The following DPP9 variants were observed in gnomAD, a reference collection of about 807,000 sequenced individuals.
DPP9 encodes the protein dipeptidyl peptidase IV-related protein-2.
In DPP9, 50 loss-of-function variants were observed where a neutral mutation model predicts 110.7. That is an observed-to-expected ratio of 0.45 (90% CI 0.36 to 0.57). DPP9 has a LOEUF of 0.57. Ranked by LOEUF, DPP9 falls within the 20% of genes least tolerant of loss-of-function variation. The pLI is 0.00. For missense variants in DPP9, 1,022 were observed against 1,217.9 expected, an observed-to-expected ratio of 0.84 and a Z score of 2.39; for synonymous variants, 561 against 514.4, an observed-to-expected ratio of 1.09 and a Z score of -1.23.
Position 4,682,649 on chromosome 19 carries a change from G to A in DPP9, c.2474+47C>T, listed in dbSNP as rs779931847. 14 of 1,594,794 alleles carry A rather than the reference G, an allele frequency of 8.8e-6. No homozygotes were observed. The African/African-American group carries it at 1.6e-4, about 18-fold the overall frequency. ...TCATAGAGACAGCTGGTGCCGGGGT[G>A]CAGGAGAAGCCCCGGGGAGGAGCGC... On this transcript the variant is annotated intron_variant, in intron 20 of 21. Transcript: ENST00000262960. The surrounding 1 kb of genome is among the most constrained non-coding windows in gnomAD (Gnocchi z 7.1).
chr19:4,701,469 AAAACAAAC>A (rs549165034), intron 9 of DPP9, among the ~76,000 whole-genome samples: 4 of 152,110 alleles, frequency 2.6e-5, no homozygotes, highest in South Asian at 2.1e-4. Context: ...CCTTGTCTCA[AAAACAAAC>A]AAACAAACAA....
At chr19:4,690,109 G>A (rs996642582) in intron 14 of DPP9, among the ~76,000 whole-genome samples, 4 of 152,214 alleles carry the variant, frequency 2.6e-5, no homozygotes, top group African/African-American at 9.6e-5. Flanking sequence ...CCGTTCCTCC[G>A]ACCCAGGTGC....
intron 4 of DPP9, among the ~76,000 whole-genome samples, chr19:4,712,667 G>GCT (rs1217168217): frequency 6.6e-6 from 1 of 152,212 alleles, no homozygotes; most frequent in Non-Finnish European, 1.5e-5. Flanking sequence ...AAGATGTCAG[G>GCT]AAAGTAACAG....
rs2145858815 is a variant in DPP9 at position 4,710,900 on chromosome 19, G to A, written c.313+3181C>T. ...TGCCAAGTTCATGCCCACTGGGGTG[G>A]GCCCTCAGCACCTCCTGTGTACTGT... On this transcript the variant is annotated intron_variant, in intron 4 of 21. Coordinates refer to ENST00000262960, the MANE Select transcript of DPP9 (RefSeq NM_139159.5). The surrounding 1 kb of genome is among the most constrained non-coding windows in gnomAD (Gnocchi z 5.6). Among the ~76,000 whole-genome samples, 1 of 152,230 alleles carries A rather than the reference G, an allele frequency of 6.6e-6. No individual in the cohort carries two copies. The highest frequency in any genetic ancestry group is 1.9e-4 in the East Asian group (1 of 5,172).
rs779839248 is a variant in DPP9 at position 4,714,243 on chromosome 19, C to T, written c.151G>A (p.Ala51Thr). 5.0e-6 allele frequency: 8 copies of T among 1,590,542 alleles called. No individual in the cohort carries two copies. In the Admixed American group the frequency reaches 7.0e-5, roughly 14 times the overall value. Residue 51 changes from alanine to threonine, a missense_variant, in exon 4 of 22, where the codon GCC becomes ACC. Physicochemically the swap from Ala to Thr is moderately conservative, Grantham distance 58 (BLOSUM62 0). This residue lies in a region of DPP9 where 810 missense variants were observed against 920.6 expected (regional missense o/e 0.88). Transcript: ENST00000262960. ...GAGTGCTTCTGCACCTGGAAGCGGGCGGCCGGGTCATCTGTGGCGGCTGCG... is the reference window on the plus strand; with the variant it reads ...GAGTGCTTCTGCACCTGGAAGCGGGTGGCCGGGTCATCTGTGGCGGCTGCG... ...GDAAATDDPA[A>T]RFQVQKHSWD...
At position 4,675,483 on chromosome 19, in the gene DPP9, G is replaced by A. The variant is rs1223318563; in HGVS notation, c.*1081C>T. 4.6e-5 allele frequency: 7 copies of A among 152,118 alleles called. No individual in the cohort carries two copies. Among genetic ancestry groups the A allele is most frequent in the Admixed American group, 2.6e-4 (4 of 15,272 alleles). 9.4% of individuals were successfully genotyped at this position (152,118 alleles called of 1,614,324 possible). On this transcript the variant is annotated 3_prime_UTR_variant, in exon 22 of 22. Transcript: ENST00000262960. ...ACCCCGGAACCCCTGGTGTGTACGGGTCAGGCAGACACATGTGGCTGGGCG... is the reference window on the plus strand; with the variant it reads ...ACCCCGGAACCCCTGGTGTGTACGGATCAGGCAGACACATGTGGCTGGGCG...
chr19:4,684,502 T>C lies in DPP9; in HGVS notation c.2178+161A>G. 1 of 764,372 alleles carries C rather than the reference T, an allele frequency of 1.3e-6. No individual in the cohort carries two copies. The highest frequency in any genetic ancestry group is 2.1e-6 in the Non-Finnish European group (1 of 482,660). 47.3% of individuals were successfully genotyped at this position (764,372 alleles called of 1,614,324 possible). A position where few individuals can be genotyped will look rare whatever the true frequency, so the allele number is the denominator to read the frequency against. ...GCTGAGCAGCAAAGCATACATCCCCTTTTGTTCTAAAAGGGCGCCTCATTG... is the reference window on the plus strand; with the variant it reads ...GCTGAGCAGCAAAGCATACATCCCCCTTTGTTCTAAAAGGGCGCCTCATTG... On this transcript the variant is annotated intron_variant, in intron 18 of 21. Transcript: ENST00000262960. The surrounding 1 kb of genome is among the most constrained non-coding windows in gnomAD (Gnocchi z 4.8).
intron 21 of DPP9, chr19:4,679,526 G>A (rs963760531): frequency 3.8e-5 from 15 of 391,948 alleles, no homozygotes; most frequent in South Asian, 2.8e-4. Context: ...AAGCCCGTCT[G>A]CGGGGCAATT....
At chr19:4,713,481 C>G (rs1299950822) in intron 4 of DPP9, among the ~76,000 whole-genome samples, 2 of 152,262 alleles carry the variant, frequency 1.3e-5, no homozygotes, top group Admixed American at 6.5e-5. Flanking sequence ...TGCGTGCAGG[C>G]ACACGCCCAG....
chr19:4,692,928 C>T (rs958073491), intron 13 of DPP9, among the ~76,000 whole-genome samples: 13 of 152,152 alleles, frequency 8.5e-5, no homozygotes, highest in Admixed American at 2.0e-4. Flanking sequence ...GTCACCCCGC[C>T]GGTCCGCATC....
At position 4,697,664 on chromosome 19, in the gene DPP9, A is replaced by C. The variant is rs2091914523; in HGVS notation, c.1075-13T>G. On this transcript the variant is annotated splice_polypyrimidine_tract_variant and intron_variant, in intron 10 of 21. Transcript: ENST00000262960. The stretch of plus-strand genomic sequence containing the variant: ...GGGTCGAGACGATCTGAAGGGAAAC[A>C]AACAGGTGTGGGTCATGCCCTGGCC... 1.2e-6 allele frequency: 2 copies of C among 1,612,568 alleles called. No homozygotes were observed. The highest frequency in any genetic ancestry group is 1.7e-5 in the Admixed American group (1 of 59,970).
At chr19:4,677,789 C>G (rs2145238294) in intron 21 of DPP9, among the ~76,000 whole-genome samples, 1 of 152,334 alleles carries the variant, frequency 6.6e-6, no homozygotes, top group East Asian at 1.9e-4. Context: ...TGGGTCCCAG[C>G]TGCCTGGTTA....
At chr19:4,679,613 C>G (rs2089505294) in intron 21 of DPP9, 1 of 554,386 alleles carries the variant, frequency 1.8e-6, no homozygotes, top group Non-Finnish European at 3.2e-6. Context: ...CTTCCAGCAC[C>G]GAAGGCAGGC....
In DPP9 at chr19:4,685,739, A is replaced by G; in HGVS notation, c.1918T>C (p.Phe640Leu). The G allele has an allele frequency of 1.2e-6, 2 of 1,613,422 alleles. No homozygotes were observed. Among genetic ancestry groups the G allele is most frequent in the Non-Finnish European group, 8.5e-7 (1 of 1,179,822 alleles). The change falls in exon 17 of 22, where the codon TTC becomes CTC. Residue 640 changes from phenylalanine to leucine, a missense_variant. Physicochemically the swap from Phe to Leu is conservative, Grantham distance 22. Around this residue, in one of 3 missense-constraint regions of DPP9, gnomAD observed 810 missense variants for 920.6 expected, o/e 0.88. Transcript: ENST00000262960. This position sits in a 1 kb window ranked among gnomAD's most constrained non-coding sequence, Gnocchi z 5.8. ...CPPDYVPPEIFHFHTRSDVRL... is the reference protein window; with the variant it reads ...CPPDYVPPEILHFHTRSDVRL... The stretch of plus-strand genomic sequence containing the variant: ...ACATCCGAGCGCGTGTGGAAATGGA[A>G]GATCTCTGGAGGAACATAATCCGGG...
chr19:4,683,228 CCA>C (rs1485021723), intron 19 of DPP9: 1 of 1,430,514 alleles, frequency 7.0e-7, no homozygotes, highest in Non-Finnish European at 9.1e-7. Flanking sequence ...GCTCAGCCTC[CCA>C]CAGAGAGCTG....
At position 4,713,521 on chromosome 19, in the gene DPP9, C is replaced by A. The variant is rs75592632; in HGVS notation, c.313+560G>T. 5.1e-4 allele frequency among the ~76,000 whole-genome samples: 78 copies of A among 152,334 alleles called. 1 individual carries two copies. The highest frequency in any genetic ancestry group is 9.1e-4 in the Non-Finnish European group (62 of 68,032). On this transcript the variant is annotated intron_variant, in intron 4 of 21. Coordinates refer to ENST00000262960, the MANE Select transcript of DPP9 (RefSeq NM_139159.5). ...GGAAGTGTGGATCCAGAGCCTGCAG[C>A]AGGGGCTGCAAGCGCGTGGCAAGCC...
At chr19:4,703,509 AC>A (rs2092414027) in intron 7 of DPP9, among the ~76,000 whole-genome samples, 2 of 150,502 alleles carry the variant, frequency 1.3e-5, no homozygotes, top group South Asian at 4.2e-4. Flanking sequence ...GGTGGCGGGC[AC>A]CTGTAATCCC....
At position 4,685,206 on chromosome 19, in the gene DPP9, C is replaced by A; in HGVS notation, c.2032-397G>T. The A allele has an allele frequency of 1.9e-6, 1 of 521,518 alleles. No homozygotes were observed. Among genetic ancestry groups the A allele is most frequent in the Non-Finnish European group, 3.7e-6 (1 of 269,798 alleles). 32.3% of individuals were successfully genotyped at this position (521,518 alleles called of 1,614,324 possible). A position where few individuals can be genotyped will look rare whatever the true frequency, so the allele number is the denominator to read the frequency against. ...AACCACAAAGTACCCAGACATCGCC[C>A]CGTATCCTCTGTGGGGACAGAGCTG... is the stretch of plus-strand genomic sequence containing the variant. On this transcript the variant is annotated intron_variant, in intron 17 of 21. Transcript: ENST00000262960. The surrounding 1 kb of genome is among the most constrained non-coding windows in gnomAD (Gnocchi z 5.8).
At chr19:4,677,724 G>A (rs1326802964) in intron 21 of DPP9, among the ~76,000 whole-genome samples, 1 of 152,196 alleles carries the variant, frequency 6.6e-6, no homozygotes, top group Non-Finnish European at 1.5e-5. Context: ...GGCAGACTCT[G>A]CTGCCCTTGA....
Sources: allele counts gnomAD v4.1 joint callset (sites outside exome capture counted in the v4.1 genomes callset), GRCh38; gene constraint gnomAD v4.1.1; regional missense constraint gnomAD v4.1.1; non-coding constraint Gnocchi (gnomAD v3.1); transcripts MANE v1.5; gene names NCBI Gene and HGNC (gene_info 2026-07-23, HGNC 2026-07-21).